Variants in IKZF2 observed in about 807,000 individuals in gnomAD.
IKZF2 encodes the protein IKAROS family zinc finger 2.
In IKZF2, 15 loss-of-function variants were observed where a neutral mutation model predicts 49.2. That is an observed-to-expected ratio of 0.30 (90% confidence interval 0.20 to 0.47). The LOEUF (loss-of-function observed/expected upper bound fraction) is 0.47, where lower values mean the gene tolerates loss of function less well. IKZF2 is among the 20% of genes least tolerant of loss of function. The probability of loss-of-function intolerance (pLI) is 1.00; values close to 1 mark genes in which losing one functional copy is unlikely to be tolerated. For synonymous variants in IKZF2, 227 were observed against 221.4 expected, an observed-to-expected ratio of 1.03 and a Z score of -0.23; for missense variants, 567 against 664.6, an observed-to-expected ratio of 0.85 and a Z score of 1.61.
chr2:213,121,627 T>C (rs1396433240), intron 4 of IKZF2, among the ~76,000 whole-genome samples: 1 of 152,238 alleles, frequency 6.6e-6, no homozygotes, highest in African/African-American at 2.4e-5. Flanking sequence ...TATTACAACT[T>C]GTGGAATACT....
At chr2:213,118,020 G>A (rs1399848364) in intron 4 of IKZF2, among the ~76,000 whole-genome samples, 4 of 151,756 alleles carry the variant, frequency 2.6e-5, no homozygotes, top group Admixed American at 2.6e-4. Flanking sequence ...CCATAATCAG[G>A]ATACAGAACA....
intron 4 of IKZF2, among the ~76,000 whole-genome samples, chr2:213,121,695 G>A (rs1419587007): frequency 6.6e-6 from 1 of 152,098 alleles, no homozygotes; most frequent in Non-Finnish European, 1.5e-5. Flanking sequence ...CAAAACTTCA[G>A]CAAAGGCCTT....
intron 4 of IKZF2, among the ~76,000 whole-genome samples, chr2:213,143,139 C>A (rs2060929635): frequency 1.3e-5 from 2 of 151,790 alleles, no homozygotes; most frequent in African/African-American, 2.4e-5. Context: ...CAAAATATAT[C>A]AACATGTCAA....
At chr2:213,093,667 A>G (rs1293545589) in intron 4 of IKZF2, among the ~76,000 whole-genome samples, 2 of 152,156 alleles carry the variant, frequency 1.3e-5, no homozygotes, top group African/African-American at 2.4e-5. Context: ...ACTGCTGTAG[A>G]GCAAGCTTAG....
intron 4 of IKZF2, among the ~76,000 whole-genome samples, chr2:213,083,615 T>A (rs1318181805): frequency 6.8e-6 from 1 of 146,466 alleles, no homozygotes; most frequent in Non-Finnish European, 1.5e-5. Flanking sequence ...TTGGTCAGGC[T>A]GGTCTCAAAC....
At chr2:213,121,252 A>G (rs1306308164) in intron 4 of IKZF2, among the ~76,000 whole-genome samples, 1 of 152,146 alleles carries the variant, frequency 6.6e-6, no homozygotes, top group Non-Finnish European at 1.5e-5. Flanking sequence ...TAATATTTCT[A>G]CTGATTCTAT....
chr2:213,012,589 C>T (rs1574475639), intron 8 of IKZF2, among the ~76,000 whole-genome samples: 1 of 152,058 alleles, frequency 6.6e-6, no homozygotes, highest in East Asian at 1.9e-4. Context: ...TCAGGGGCTT[C>T]AACTGACATA....
intron 4 of IKZF2, among the ~76,000 whole-genome samples, chr2:213,064,585 C>T (rs1702002433): frequency 1.3e-5 from 2 of 152,088 alleles, no homozygotes; most frequent in African/African-American, 2.4e-5. Flanking sequence ...TTTTGGCGGA[C>T]AACTAGTTCA....
chr2:213,014,374 T>C (rs1160050690), intron 7 of IKZF2: 1 of 154,360 alleles, frequency 6.5e-6, no homozygotes, highest in Non-Finnish European at 1.4e-5. Context: ...GCACGGTATT[T>C]AACTGTTTTT....
chr2:213,059,796 A>G (rs1440306030), intron 4 of IKZF2, among the ~76,000 whole-genome samples: 1 of 151,538 alleles, frequency 6.6e-6, no homozygotes, highest in Non-Finnish European at 1.5e-5. Flanking sequence ...GTGATTTTTA[A>G]AAGTGTGAGA....
At position 213,000,626 on chromosome 2, in the gene IKZF2, T is replaced by A. The variant is rs1288016115; in HGVS notation, c.*6734A>T. 6.6e-6 allele frequency: 1 copy of A among 151,736 alleles called. No homozygotes were observed. The highest frequency in any genetic ancestry group is 2.1e-4 in the South Asian group (1 of 4,822). The allele number at this position is 151,736 out of a possible 1,614,324, so 9.4% of individuals were successfully genotyped here. ...TTAGCACACTACATATAAATATGTA[T>A]AAGAAAAATACCTCTTACTTAAATT... On this transcript the variant is annotated 3_prime_UTR_variant, in exon 9 of 9. Coordinates refer to ENST00000434687, the MANE Select transcript of IKZF2 (RefSeq NM_001387220.1).
At chr2:213,072,893 C>T (rs1298015387) in intron 4 of IKZF2, among the ~76,000 whole-genome samples, 1 of 152,064 alleles carries the variant, frequency 6.6e-6, no homozygotes, top group Non-Finnish European at 1.5e-5. Context: ...TGAATTTATG[C>T]TGTTTTATAA....
chr2:213,003,153 G>A lies in IKZF2; in HGVS notation c.*4207C>T, dbSNP rs1383488448. On this transcript the variant is annotated 3_prime_UTR_variant, in exon 9 of 9. Transcript: ENST00000434687. ...TTTAAAAATGCATATTAAAAGTGTT[G>A]TACAGCTGCAACAGCTAACCAACAC... is the stretch of plus-strand genomic sequence containing the variant. 1.3e-5 allele frequency: 2 copies of A among 151,954 alleles called. No homozygotes were observed. Among genetic ancestry groups the A allele is most frequent in the Non-Finnish European group, 3.0e-5 (2 of 67,642 alleles). The allele number at this position is 151,954 out of a possible 1,614,324, so 9.4% of individuals were successfully genotyped here. A position where few individuals can be genotyped will look rare whatever the true frequency, so the allele number is the denominator to read the frequency against.
chr2:213,132,998 T>C (rs961077138), intron 4 of IKZF2, among the ~76,000 whole-genome samples: 1 of 152,232 alleles, frequency 6.6e-6, no homozygotes, highest in African/African-American at 2.4e-5. Context: ...AGCAGAAATA[T>C]TCAGTAAGTG....
chr2:213,049,621 A>G (rs112570593), intron 6 of IKZF2, 92 bp downstream of exon 6: 2 of 922,080 alleles, frequency 2.2e-6, no homozygotes, highest in East Asian at 5.3e-5. Context: ...GTCATTACCG[A>G]CTACATAACA....
intron 4 of IKZF2, among the ~76,000 whole-genome samples, chr2:213,143,095 A>G (rs934736119): frequency 3.3e-5 from 5 of 152,050 alleles, no homozygotes; most frequent in Non-Finnish European, 1.5e-5. Flanking sequence ...TCTGCTATTG[A>G]TATTTCCAAA....
At chr2:213,044,069 A>G (rs1444565903) in intron 6 of IKZF2, among the ~76,000 whole-genome samples, 1 of 152,168 alleles carries the variant, frequency 6.6e-6, no homozygotes, top group African/African-American at 2.4e-5. Flanking sequence ...AAGTTTAGTC[A>G]ATGTGAGGCA....
intron 8 of IKZF2, among the ~76,000 whole-genome samples, chr2:213,008,739 T>G (rs1429507128): frequency 2.0e-5 from 3 of 152,080 alleles, no homozygotes; most frequent in African/African-American, 7.2e-5. Context: ...TCAGAGACTA[T>G]GCTTGATTTT....
At chr2:213,051,965 A>G (rs1234380619) in intron 5 of IKZF2, among the ~76,000 whole-genome samples, 2 of 152,064 alleles carry the variant, frequency 1.3e-5, no homozygotes, top group East Asian at 3.9e-4. Context: ...ACCTCCTACA[A>G]TGTTTGAGTT....
Sources: allele counts gnomAD v4.1 joint callset (sites outside exome capture counted in the v4.1 genomes callset), GRCh38; gene constraint gnomAD v4.1.1; transcripts MANE v1.5; gene names NCBI Gene and HGNC (gene_info 2026-07-23, HGNC 2026-07-21).